DPP6: variants seen among roughly 807,000 people sequenced by gnomAD.
DPP6 encodes A-type potassium channel modulatory protein DPP6.
In DPP6, 69 loss-of-function variants were observed where a neutral mutation model predicts 122.6. That is an observed-to-expected ratio of 0.56 (90% confidence interval 0.46 to 0.69). The LOEUF is 0.69. Among genes scored for constraint, DPP6 ranks in the 30% least tolerant of loss-of-function variants. DPP6 has a pLI of 0.00. For missense variants in DPP6, 928 were observed against 1,116.9 expected (o/e 0.83, Z 2.41); for synonymous variants, 418 against 433.1 (o/e 0.97, Z 0.43).
chr7:154,870,396 G>C (rs963306010), intron 18 of DPP6, among the ~76,000 whole-genome samples: 1 of 152,072 alleles, frequency 6.6e-6, no homozygotes, highest in Non-Finnish European at 1.5e-5. Flanking sequence ...CTTGAGGTCA[G>C]GAGTTCAAGA....
chr7:153,830,941 G>A, the DPP6 span, among the ~76,000 whole-genome samples: 21 of 152,194 alleles, frequency 1.4e-4, no homozygotes, highest in African/African-American at 2.2e-4. Context: ...TTCACTTAGC[G>A]TCCATACATA....
At position 154,403,585 on chromosome 7, in the gene DPP6, A is replaced by G. The variant is rs940765829; in HGVS notation, c.244-42629A>G. On this transcript the variant is annotated intron_variant, in intron 1 of 25. Coordinates refer to ENST00000377770, the MANE Select transcript of DPP6 (RefSeq NM_130797.4). The surrounding 1 kb of genome is among the most constrained non-coding windows in gnomAD (Gnocchi z 4.1). ...CTGGGAAAGCAAAGAGCACTGGGCA[A>G]TCACGCCTTTCTCTGCTGTCTGCAC... is the stretch of plus-strand genomic sequence containing the variant. Among the ~76,000 whole-genome samples the G allele has an allele frequency of 6.6e-6, 1 of 152,204 alleles. No homozygotes were observed. Among genetic ancestry groups the G allele is most frequent in the Non-Finnish European group, 1.5e-5 (1 of 68,038 alleles).
chr7:153,878,567 A>T, the DPP6 span, among the ~76,000 whole-genome samples: 1 of 152,312 alleles, frequency 6.6e-6, no homozygotes, highest in African/African-American at 2.4e-5. Context: ...AAGTCTCCCC[A>T]GCTAACTAGC....
chr7:154,241,219 G>GTGTATA lies in DPP6; in HGVS notation c.243+188157_243+188158insGTATAT, dbSNP rs1444102599. On this transcript the variant is annotated intron_variant, in intron 1 of 25. Coordinates refer to ENST00000377770, the MANE Select transcript of DPP6 (RefSeq NM_130797.4). This position sits in a 1 kb window ranked among gnomAD's most constrained non-coding sequence, Gnocchi z 9.0. ...TGTGTGTGTGTGTGTGTGTGTGTGT[G>GTGTATA]TATATATATATAGAGAGAGAGAGAG... Among the ~76,000 whole-genome samples, 425 of 142,848 alleles carry GTGTATA rather than the reference G, an allele frequency of 3.0e-3. 2 individuals carry two copies. Among genetic ancestry groups the GTGTATA allele is most frequent in the African/African-American group, 0.012 (401 of 34,662 alleles). 93.7% of individuals were successfully genotyped at this position (142,848 alleles called of 152,430 possible).
chr7:154,586,180 C>T (rs1203331137), intron 5 of DPP6, among the ~76,000 whole-genome samples: 1 of 152,184 alleles, frequency 6.6e-6, no homozygotes, highest in South Asian at 2.1e-4. Context: ...GCTGATGCCA[C>T]GTGACCAGGT....
chr7:154,446,924 C>A (rs542685083), intron 2 of DPP6, among the ~76,000 whole-genome samples: 157 of 152,200 alleles, frequency 1.0e-3, no homozygotes, highest in Middle Eastern at 3.4e-3. Flanking sequence ...GAAGGTAGTA[C>A]GTAAAGTGGG....
At chr7:154,042,064 A>G (rs189730257) in intron 1 of DPP6, among the ~76,000 whole-genome samples, 54 of 152,142 alleles carry the variant, frequency 3.5e-4, no homozygotes, top group African/African-American at 1.3e-3. Context: ...GCCTCTTCTC[A>G]TGGTTTCAAA....
intron 5 of DPP6, among the ~76,000 whole-genome samples, chr7:154,591,432 A>G (rs1337313956): frequency 6.6e-6 from 1 of 152,216 alleles, no homozygotes; most frequent in Admixed American, 6.5e-5. Context: ...AACAAGGACG[A>G]TGATGAAAAC....
intron 1 of DPP6, among the ~76,000 whole-genome samples, chr7:154,324,343 C>G (rs7803191): frequency 0.081 from 12,254 of 152,200 alleles, 1,293 homozygotes; most frequent in African/African-American, 0.24. Context: ...TGCGCTCCCC[C>G]CTTTGAATCA....
chr7:154,234,232 A>G (rs1801072321), intron 1 of DPP6, among the ~76,000 whole-genome samples: 1 of 152,196 alleles, frequency 6.6e-6, no homozygotes, highest in African/African-American at 2.4e-5. Flanking sequence ...TCATTCAGGT[A>G]GCTTTGGTGC....
chr7:153,754,355 T>A, the DPP6 span, among the ~76,000 whole-genome samples: 1 of 152,202 alleles, frequency 6.6e-6, no homozygotes, highest in East Asian at 1.9e-4. Context: ...TACTTCTTTT[T>A]CAGCACTTTA....
chr7:154,453,444 CT>C, intron 2 of DPP6, among the ~76,000 whole-genome samples: 1 of 151,872 alleles, frequency 6.6e-6, no homozygotes, highest in East Asian at 1.9e-4. Flanking sequence ...ATTGCCAACC[CT>C]CACCTTATCT....
At chr7:154,856,093 T>C (rs1380835246) in intron 17 of DPP6, among the ~76,000 whole-genome samples, 2 of 151,604 alleles carry the variant, frequency 1.3e-5, no homozygotes, top group Non-Finnish European at 3.0e-5. Flanking sequence ...TAGGAATCTA[T>C]AATTATTTCA....
rs530032052 is a variant in DPP6 at position 154,691,539 on chromosome 7, C to T, written c.762+22098C>T. On this transcript the variant is annotated intron_variant, in intron 7 of 25. Coordinates refer to ENST00000377770, the MANE Select transcript of DPP6 (RefSeq NM_130797.4). ...TTGACTGAAAAGAAAATAAAGCAGC[C>T]GGGCGCGGTGGCTCACTCCTGTAAT... is the stretch of plus-strand genomic sequence containing the variant. Among the ~76,000 whole-genome samples the T allele has an allele frequency of 3.9e-5, 6 of 152,210 alleles. No individual in the cohort carries two copies. The South Asian group carries it at 1.0e-3, about 26-fold the overall frequency.
chr7:154,879,974 A>T (rs1223270082), intron 20 of DPP6, among the ~76,000 whole-genome samples: 1 of 152,224 alleles, frequency 6.6e-6, no homozygotes, highest in Non-Finnish European at 1.5e-5. Flanking sequence ...CATTTTCAGG[A>T]CAGTGACAGT....
At chr7:154,199,739 A>G (rs1799068680) in intron 1 of DPP6, among the ~76,000 whole-genome samples, 1 of 151,818 alleles carries the variant, frequency 6.6e-6, no homozygotes, top group East Asian at 1.9e-4. Context: ...CCTTCTGAGT[A>G]GCTGAGATTA....
intron 1 of DPP6, among the ~76,000 whole-genome samples, chr7:153,920,112 C>T (rs1337244068): frequency 6.6e-6 from 1 of 152,214 alleles, no homozygotes; most frequent in Non-Finnish European, 1.5e-5. Context: ...AATCCACATA[C>T]TTGCTGCTGT....
At chr7:154,021,854 A>G (rs566932461) in intron 1 of DPP6, among the ~76,000 whole-genome samples, 11 of 152,318 alleles carry the variant, frequency 7.2e-5, no homozygotes, top group African/African-American at 2.4e-4. Context: ...TGTTGGTGAG[A>G]ATGGATCTTC....
intron 1 of DPP6, among the ~76,000 whole-genome samples, chr7:153,980,222 A>T (rs1425399352): frequency 5.9e-5 from 9 of 152,004 alleles, no homozygotes; most frequent in Non-Finnish European, 8.8e-5. Context: ...TCAATTTCCG[A>T]ACTTGTTATT....
Sources: gnomAD v4.1 joint callset for allele counts (sites outside exome capture counted in the v4.1 genomes callset) on GRCh38, gnomAD v4.1.1 for gene constraint, Gnocchi (gnomAD v3.1) non-coding constraint, MANE v1.5 for transcripts, NCBI Gene and HGNC (gene_info 2026-07-23, HGNC 2026-07-21) for gene names.